The following SCMH1 variants were observed in gnomAD, a reference collection of about 807,000 sequenced individuals.
SCMH1 encodes the protein polycomb protein SCMH1.
In SCMH1, 37 loss-of-function variants were observed where a neutral mutation model predicts 70.8. The ratio of observed to expected loss-of-function variants is 0.52; its 90% CI spans 0.40 to 0.69. The LOEUF (loss-of-function observed/expected upper bound fraction) is 0.69. Ranked by LOEUF, SCMH1 falls within the 30% of genes least tolerant of loss-of-function variation. SCMH1 has a pLI of 0.00. For missense variants in SCMH1, 607 were observed against 827.3 expected, an observed-to-expected ratio of 0.73 and a Z score of 3.27; for synonymous variants, 292 against 307.4, an observed-to-expected ratio of 0.95 and a Z score of 0.52.
intron 5 of SCMH1, among the ~76,000 whole-genome samples, chr1:41,143,537 A>G (rs1008161490): frequency 2.6e-5 from 4 of 152,108 alleles, no homozygotes; most frequent in Non-Finnish European, 5.9e-5. Flanking sequence ...CAGACTATTG[A>G]GGGTTAATTT....
chr1:41,197,222 G>T (rs1303251637), intron 1 of SCMH1, among the ~76,000 whole-genome samples: 1 of 152,084 alleles, frequency 6.6e-6, no homozygotes, highest in African/African-American at 2.4e-5. Flanking sequence ...TGAAAGCAGG[G>T]ATTCAAACAC....
intron 1 of SCMH1, among the ~76,000 whole-genome samples, chr1:41,194,908 G>A (rs1039260282): frequency 1.3e-5 from 2 of 152,016 alleles, no homozygotes; most frequent in African/African-American, 2.4e-5. Context: ...TTGGGAGGCC[G>A]AGGTGGGTGG....
At chr1:41,133,458 G>A (rs940320025) in intron 6 of SCMH1, among the ~76,000 whole-genome samples, 2 of 152,128 alleles carry the variant, frequency 1.3e-5, no homozygotes, top group African/African-American at 2.4e-5. Context: ...GAAGGAGATA[G>A]AAACACAATA....
chr1:41,127,967 C>T (rs530750306), intron 6 of SCMH1, among the ~76,000 whole-genome samples: 34 of 152,254 alleles, frequency 2.2e-4, no homozygotes, highest in African/African-American at 7.2e-4. Flanking sequence ...TTAAACCAGA[C>T]AGTCTGTGGT....
At chr1:41,075,108 C>T (rs571155221) in intron 9 of SCMH1, 111 bp downstream of exon 9, 89 of 977,908 alleles carry the variant, frequency 9.1e-5, no homozygotes, top group Non-Finnish European at 1.3e-4. Context: ...ATGATCCGCC[C>T]GCCTCGGCCT....
intron 13 of SCMH1, among the ~76,000 whole-genome samples, chr1:41,034,333 T>C (rs78604319): frequency 6.9e-6 from 1 of 145,052 alleles, no homozygotes; most frequent in East Asian, 2.0e-4. Context: ...TTTTCTTTTC[T>C]TTTTTTTTTT....
At chr1:41,151,294 G>A (rs1191909739) in intron 5 of SCMH1, among the ~76,000 whole-genome samples, 1 of 152,218 alleles carries the variant, frequency 6.6e-6, no homozygotes, top group Non-Finnish European at 1.5e-5. Context: ...TTTCAACAAT[G>A]TCTATGGACT....
chr1:41,049,289 T>C (rs932601901), intron 10 of SCMH1, among the ~76,000 whole-genome samples: 3 of 148,500 alleles, frequency 2.0e-5, no homozygotes, highest in African/African-American at 7.6e-5. Context: ...TGTGGGGCAA[T>C]GGCAATATTA....
At chr1:41,237,296 A>G (rs1411542985) in intron 1 of SCMH1, among the ~76,000 whole-genome samples, 1 of 152,230 alleles carries the variant, frequency 6.6e-6, no homozygotes, top group Non-Finnish European at 1.5e-5. Flanking sequence ...CACGAAGCCT[A>G]TCAATCAAAT....
intron 8 of SCMH1, among the ~76,000 whole-genome samples, chr1:41,091,726 AACAG>A (rs1252614466): frequency 6.6e-6 from 1 of 152,192 alleles, no homozygotes; most frequent in Admixed American, 6.5e-5. Context: ...ATACACCAAT[AACAG>A]ACAAACAGAG....
chr1:41,091,084 A>T (rs1486594206), intron 8 of SCMH1, among the ~76,000 whole-genome samples: 1 of 152,114 alleles, frequency 6.6e-6, no homozygotes, highest in Non-Finnish European at 1.5e-5. Flanking sequence ...CACAACAAAA[A>T]AAGACACTTT....
chr1:41,185,793 G>A (rs1650039790), intron 2 of SCMH1, among the ~76,000 whole-genome samples: 1 of 151,750 alleles, frequency 6.6e-6, no homozygotes, highest in Non-Finnish European at 1.5e-5. Flanking sequence ...GCGCCACCAT[G>A]CCCACCAGTT....
chr1:41,167,659 C>G (rs2148478509), intron 2 of SCMH1, among the ~76,000 whole-genome samples: 1 of 152,236 alleles, frequency 6.6e-6, no homozygotes, highest in East Asian at 1.9e-4. Flanking sequence ...TGGCTTATAA[C>G]TGTTCATAGT....
intron 4 of SCMH1, among the ~76,000 whole-genome samples, chr1:41,157,582 C>A (rs192713012): frequency 6.6e-6 from 1 of 152,148 alleles, no homozygotes; most frequent in Non-Finnish European, 1.5e-5. Context: ...GAGGTGTTTT[C>A]GAAGGTCCAG....
chr1:41,156,402 T>C (rs911656898), intron 4 of SCMH1, among the ~76,000 whole-genome samples: 4 of 152,170 alleles, frequency 2.6e-5, no homozygotes, highest in African/African-American at 9.7e-5. Context: ...TAACAATATA[T>C]TTGTTAAACG....
intron 8 of SCMH1, among the ~76,000 whole-genome samples, chr1:41,088,853 A>G (rs1042210089): frequency 6.6e-6 from 1 of 152,214 alleles, no homozygotes; most frequent in Non-Finnish European, 1.5e-5. Context: ...GGCGGAAACT[A>G]AGATTCATAC....
At chr1:41,076,832 A>T (rs2268677) in intron 8 of SCMH1, among the ~76,000 whole-genome samples, 29 of 152,168 alleles carry the variant, frequency 1.9e-4, no homozygotes, top group Admixed American at 1.7e-3. Flanking sequence ...TTAGAGAGTG[A>T]GTAGCAGTAA....
chr1:41,195,131 C>G (rs1354288841), intron 1 of SCMH1, among the ~76,000 whole-genome samples: 1 of 26,244 alleles, frequency 3.8e-5, no homozygotes, highest in East Asian at 1.6e-3. Context: ...AACTCTCTCT[C>G]AAAAAAAAAA....
intron 1 of SCMH1, among the ~76,000 whole-genome samples, chr1:41,203,367 T>C (rs112978666): frequency 2.6e-5 from 4 of 152,228 alleles, no homozygotes; most frequent in African/African-American, 9.6e-5. Context: ...TAAAATAAAA[T>C]AAAATAAAAA....
Sources: gnomAD v4.1 joint callset for allele counts (sites outside exome capture counted in the v4.1 genomes callset) on GRCh38, gnomAD v4.1.1 for gene constraint, MANE v1.5 for transcripts, NCBI Gene and HGNC (gene_info 2026-07-23, HGNC 2026-07-21) for gene names.